The following TENM3 variants were observed in gnomAD, a reference collection of about 807,000 sequenced individuals.
TENM3 encodes teneurin-3.
In TENM3, 63 loss-of-function variants were observed where a neutral mutation model predicts 255.1. The ratio of observed to expected loss-of-function variants is 0.25; its 90% confidence interval spans 0.20 to 0.30. The LOEUF (loss-of-function observed/expected upper bound fraction) is 0.30. Among genes scored for constraint, TENM3 ranks in the 10% least tolerant of loss-of-function variants. The probability of loss-of-function intolerance (pLI) is 1.00; values close to 1 mark genes in which losing one functional copy is unlikely to be tolerated. For missense variants in TENM3, 2,929 were observed against 3,461.1 expected (o/e 0.85, Z 3.86); for synonymous variants, 1,306 against 1,322.3 (o/e 0.99, Z 0.27).
the TENM3 span, among the ~76,000 whole-genome samples, chr4:181,721,517 G>T: frequency 3.3e-5 from 3 of 91,218 alleles, no homozygotes; most frequent in Non-Finnish European, 4.4e-5. Context: ...GGAGAATGGC[G>T]TGAACCCGGG....
intron 5 of TENM3, 113 bp from the exon 6 acceptor site, chr4:182,653,658 C>T: frequency 8.4e-7 from 1 of 1,197,292 alleles, no homozygotes; most frequent in Admixed American, 3.1e-5. Flanking sequence ...CTTGGTATTT[C>T]AGAAAATGGA....
Position 182,474,358 on chromosome 4 carries a change from T to C in TENM3, c.512-126566T>C, listed in dbSNP as rs187709378. Reference sequence around the variant, plus strand: ...TTGCTCTCTATGCATTCAACCATATTTAAATGTATGATTTAGATGAGTGAG... The same window carrying C: ...TTGCTCTCTATGCATTCAACCATATCTAAATGTATGATTTAGATGAGTGAG... On this transcript the variant is annotated intron_variant, in intron 3 of 27. Coordinates refer to ENST00000511685, the MANE Select transcript of TENM3 (RefSeq NM_001080477.4). Among the ~76,000 whole-genome samples, 927 of 152,354 alleles carry C rather than the reference T, an allele frequency of 6.1e-3. 3 individuals are homozygous for C. Among genetic ancestry groups the C allele is most frequent in the Middle Eastern group, 0.014 (4 of 294 alleles).
the TENM3 span, among the ~76,000 whole-genome samples, chr4:181,564,028 C>CTTTTTTTTTTTTTTTTTTTTTTTTTTTT: frequency 1.1e-5 from 1 of 94,714 alleles, no homozygotes; most frequent in African/African-American, 4.2e-5. Flanking sequence ...CTTTTCTTTT[C>CTTTTTTTTTTTTTTTTTTTTTTTTTTTT]TTTTCTTTTT....
intron 1 of TENM3, among the ~76,000 whole-genome samples, chr4:182,189,250 T>A (rs77893759): frequency 0.051 from 7,750 of 152,152 alleles, 268 homozygotes; most frequent in Non-Finnish European, 0.074. Context: ...ACTATGTAAC[T>A]CTAGCTCAGT....
Position 182,315,541 on chromosome 4 carries a change from A to G in TENM3, c.-75-8405A>G, listed in dbSNP as rs182890411. On this transcript the variant is annotated intron_variant, in intron 1 of 27. Coordinates refer to ENST00000511685, the MANE Select transcript of TENM3 (RefSeq NM_001080477.4). ...TTTCTCTTTATCACTGGTTTTGAGC[A>G]GTTAAACATAACCAAATGCCCTGGT... Among the ~76,000 whole-genome samples the G allele has an allele frequency of 7.4e-4, 112 of 152,276 alleles. 1 individual carries two copies. Among genetic ancestry groups the G allele is most frequent in the African/African-American group, 2.5e-3 (106 of 41,574 alleles).
At chr4:182,496,240 A>G (rs1385571181) in intron 3 of TENM3, among the ~76,000 whole-genome samples, 1 of 152,214 alleles carries the variant, frequency 6.6e-6, no homozygotes, top group Non-Finnish European at 1.5e-5. Flanking sequence ...AGTCACCATT[A>G]AAGTAGTGAA....
the TENM3 span, among the ~76,000 whole-genome samples, chr4:181,770,838 T>A: frequency 6.6e-6 from 1 of 152,324 alleles, no homozygotes; most frequent in South Asian, 2.1e-4. Context: ...ATCATTCTCA[T>A]TTCAATAACA....
intron 4 of TENM3, among the ~76,000 whole-genome samples, chr4:182,613,362 A>G (rs1038802042): frequency 1.3e-5 from 2 of 152,202 alleles, no homozygotes; most frequent in Admixed American, 6.5e-5. Flanking sequence ...AGTCTTCATA[A>G]TGGCTAAAAA....
chr4:182,262,522 A>G (rs891083258), intron 1 of TENM3, among the ~76,000 whole-genome samples: 1 of 151,892 alleles, frequency 6.6e-6, no homozygotes, highest in African/African-American at 2.4e-5. Flanking sequence ...TCACTGCTAC[A>G]CTCCCACCAG....
At chr4:182,089,429 A>C in the TENM3 span, among the ~76,000 whole-genome samples, 1 of 152,194 alleles carries the variant, frequency 6.6e-6, no homozygotes. Flanking sequence ...GCCCCAACCT[A>C]AATCTTTACA....
chr4:181,721,332 C>T, the TENM3 span, among the ~76,000 whole-genome samples: 26 of 151,746 alleles, frequency 1.7e-4, no homozygotes, highest in African/African-American at 6.3e-4. Flanking sequence ...AAGTAGGCCC[C>T]TACCTCCACA....
At chr4:181,567,788 T>C in the TENM3 span, among the ~76,000 whole-genome samples, 2 of 152,182 alleles carry the variant, frequency 1.3e-5, no homozygotes, top group Non-Finnish European at 2.9e-5. Context: ...TTTCTACATA[T>C]AATATTGGAT....
the TENM3 span, among the ~76,000 whole-genome samples, chr4:181,512,180 T>A: frequency 6.6e-6 from 1 of 152,152 alleles, no homozygotes; most frequent in Non-Finnish European, 1.5e-5. Context: ...AGGTCTATGC[T>A]TCCAGGCTGT....
chr4:181,985,468 T>C, the TENM3 span, among the ~76,000 whole-genome samples: 4 of 152,118 alleles, frequency 2.6e-5, no homozygotes, highest in Non-Finnish European at 5.9e-5. Context: ...ATTCTCTTGG[T>C]TTTGTGAATG....
At chr4:182,798,402 G>A (rs979756656) in intron 27 of TENM3, among the ~76,000 whole-genome samples, 3 of 152,202 alleles carry the variant, frequency 2.0e-5, no homozygotes, top group Non-Finnish European at 4.4e-5. Context: ...CAGTCACACC[G>A]TATACAGGTT....
chr4:182,533,562 C>G (rs1301934365), intron 3 of TENM3, among the ~76,000 whole-genome samples: 1 of 150,254 alleles, frequency 6.7e-6, no homozygotes, highest in Non-Finnish European at 1.5e-5. Flanking sequence ...AAAAAAATCT[C>G]TAGTCAAATA....
chr4:182,529,569 C>G (rs1438158523), intron 3 of TENM3, among the ~76,000 whole-genome samples: 2 of 151,886 alleles, frequency 1.3e-5, no homozygotes, highest in African/African-American at 2.4e-5. Context: ...AAATTTTTTC[C>G]ACTCCACCCC....
intron 3 of TENM3, among the ~76,000 whole-genome samples, chr4:182,561,676 C>G (rs2151973336): frequency 6.6e-6 from 1 of 152,046 alleles, no homozygotes; most frequent in East Asian, 1.9e-4. Context: ...TTCAGTTTTT[C>G]ATTTCTCTGA....
chr4:182,532,969 C>T (rs747767158), intron 3 of TENM3, among the ~76,000 whole-genome samples: 6 of 152,132 alleles, frequency 3.9e-5, no homozygotes, highest in African/African-American at 7.2e-5. Context: ...TTTCACAGTG[C>T]GCAAGAAGGG....
Sources: allele counts gnomAD v4.1 joint callset (sites outside exome capture counted in the v4.1 genomes callset), GRCh38; gene constraint gnomAD v4.1.1; transcripts MANE v1.5; gene names NCBI Gene and HGNC (gene_info 2026-07-23, HGNC 2026-07-21).